Variants in CCDC91 observed in about 807,000 individuals in gnomAD.
The protein encoded by CCDC91 is coiled-coil domain containing 91.
In CCDC91, 48 loss-of-function variants were observed where a neutral mutation model predicts 63.2. The observed-to-expected ratio is 0.76, with a 90% CI of 0.60 to 0.97. The LOEUF (loss-of-function observed/expected upper bound fraction) is 0.97, where lower values mean the gene tolerates loss of function less well. CCDC91 is among the 50% of genes least tolerant of loss of function. The pLI, the probability that CCDC91 is intolerant of heterozygous loss-of-function variation, is 0.00. For missense variants in CCDC91, 500 were observed against 494.6 expected (o/e 1.01, Z -0.10); for synonymous variants, 167 against 165.8 (o/e 1.01, Z -0.06).
At chr12:28,322,922 C>T (rs1212404142) in intron 6 of CCDC91, among the ~76,000 whole-genome samples, 1 of 150,988 alleles carries the variant, frequency 6.6e-6, no homozygotes, top group African/African-American at 2.4e-5. Flanking sequence ...ATTTTTATTT[C>T]CTTATTAGTA....
rs558773290 is a variant in CCDC91 at position 28,519,018 on chromosome 12, G to A, written c.1216-30045G>A. Among the ~76,000 whole-genome samples, 223 of 151,848 alleles carry A rather than the reference G, an allele frequency of 1.5e-3. 1 individual carries two copies. The highest frequency in any genetic ancestry group is 5.0e-3 in the African/African-American group (209 of 41,462). The stretch of plus-strand genomic sequence containing the variant: ...TTTTGTTTTTGCTTAGTCTTGCTTT[G>A]GCTATACAGGCTCTTTTTTGGTTCC... On this transcript the variant is annotated intron_variant, in intron 12 of 12. Transcript: ENST00000536442.
chr12:28,376,793 A>T (rs1268549899), intron 7 of CCDC91, among the ~76,000 whole-genome samples: 2 of 151,806 alleles, frequency 1.3e-5, no homozygotes, highest in Non-Finnish European at 3.0e-5. Context: ...AGTCAATTCA[A>T]ATGTTAACTC....
At chr12:28,350,457 T>C (rs1268740725) in intron 6 of CCDC91, among the ~76,000 whole-genome samples, 1 of 152,212 alleles carries the variant, frequency 6.6e-6, no homozygotes, top group African/African-American at 2.4e-5. Flanking sequence ...AATATCTTAT[T>C]GTATTAATGT....
chr12:28,400,409 C>T (rs1049252032), intron 8 of CCDC91, among the ~76,000 whole-genome samples: 1 of 147,282 alleles, frequency 6.8e-6, no homozygotes, highest in Non-Finnish European at 1.5e-5. Context: ...GCCTCCAGGT[C>T]TGTGATGAGA....
At chr12:28,321,457 G>A (rs552812269) in intron 6 of CCDC91, among the ~76,000 whole-genome samples, 1 of 151,994 alleles carries the variant, frequency 6.6e-6, no homozygotes, top group South Asian at 2.1e-4. Context: ...GACTGCTATG[G>A]ATTGAATGGT....
At chr12:28,359,933 T>A (rs1408568532) in intron 6 of CCDC91, among the ~76,000 whole-genome samples, 6 of 152,224 alleles carry the variant, frequency 3.9e-5, no homozygotes, top group South Asian at 4.1e-4. Context: ...TCCAAAGTGA[T>A]GAGTTTTAGT....
intron 6 of CCDC91, among the ~76,000 whole-genome samples, chr12:28,333,600 T>G (rs1310468428): frequency 6.6e-6 from 1 of 152,156 alleles, no homozygotes; most frequent in African/African-American, 2.4e-5. Flanking sequence ...ATGTCTCATC[T>G]TTTGCTTTTC....
intron 3 of CCDC91, among the ~76,000 whole-genome samples, chr12:28,282,447 T>C (rs564678198): frequency 6.6e-6 from 1 of 152,244 alleles, no homozygotes; most frequent in African/African-American, 2.4e-5. Context: ...ATTTCATTCT[T>C]TTATATGGCT....
chr12:28,535,120 G>A (rs149021959), intron 12 of CCDC91, among the ~76,000 whole-genome samples: 1,974 of 152,248 alleles, frequency 0.013, 20 homozygotes, highest in Middle Eastern at 0.058. Context: ...TTTGCTGTTT[G>A]GCATGCATAC....
At chr12:28,443,715 T>C (rs1949353379) in intron 8 of CCDC91, among the ~76,000 whole-genome samples, 1 of 152,146 alleles carries the variant, frequency 6.6e-6, no homozygotes, top group African/African-American at 2.4e-5. Context: ...CATGTACTCT[T>C]GACAGTGTTT....
chr12:28,288,252 A>G (rs551626783), intron 3 of CCDC91, among the ~76,000 whole-genome samples: 63 of 152,168 alleles, frequency 4.1e-4, no homozygotes, highest in African/African-American at 1.5e-3. Flanking sequence ...AATAGGAGGG[A>G]TGAGAAAGGG....
intron 7 of CCDC91, among the ~76,000 whole-genome samples, chr12:28,369,763 C>T (rs1191897656): frequency 3.9e-5 from 6 of 152,224 alleles, no homozygotes; most frequent in Admixed American, 2.6e-4. Flanking sequence ...CAAATCTCAA[C>T]CCTTGCCTTC....
At chr12:28,411,837 A>C (rs1354684914) in intron 8 of CCDC91, among the ~76,000 whole-genome samples, 1 of 152,232 alleles carries the variant, frequency 6.6e-6, no homozygotes, top group Non-Finnish European at 1.5e-5. Context: ...TTCTGAAAAG[A>C]GTGACACCTC....
At position 28,420,681 on chromosome 12, in the gene CCDC91, T is replaced by G. The variant is rs551396391; in HGVS notation, c.762+29270T>G. 2.6e-5 allele frequency among the ~76,000 whole-genome samples: 4 copies of G among 152,038 alleles called. No individual in the cohort carries two copies. The East Asian group carries it at 5.8e-4, about 22-fold the overall frequency. On this transcript the variant is annotated intron_variant, in intron 8 of 12. Transcript: ENST00000536442. ...TGTATTTCCCACCTATTTGTTCCTT[T>G]TCCCATACTTGCAATTATAGATTAT...
intron 1 of CCDC91, among the ~76,000 whole-genome samples, chr12:28,204,335 T>G (rs1437540846): frequency 6.6e-6 from 1 of 152,216 alleles, no homozygotes; most frequent in African/African-American, 2.4e-5. Flanking sequence ...TTGCAGATGT[T>G]GTAAATGATT....
chr12:28,467,709 A>G (rs1343838534), intron 11 of CCDC91, among the ~76,000 whole-genome samples: 2 of 152,106 alleles, frequency 1.3e-5, no homozygotes, highest in Admixed American at 6.5e-5. Context: ...ATATTTAAAA[A>G]GTACAAAATA....
chr12:28,224,549 G>T (rs1396659946), intron 1 of CCDC91, among the ~76,000 whole-genome samples: 2 of 151,910 alleles, frequency 1.3e-5, no homozygotes, highest in African/African-American at 4.8e-5. Flanking sequence ...CCTCATTTAG[G>T]CTTAGTGGTT....
At chr12:28,204,758 G>A (rs11049455) in intron 1 of CCDC91, among the ~76,000 whole-genome samples, 39,561 of 151,968 alleles carry the variant, frequency 0.26, 5,384 homozygotes, top group Non-Finnish European at 0.31. Context: ...GCTCACCACA[G>A]AGTTGCTCAA....
At chr12:28,501,017 G>C (rs1185164858) in intron 12 of CCDC91, among the ~76,000 whole-genome samples, 1 of 151,610 alleles carries the variant, frequency 6.6e-6, no homozygotes, top group Non-Finnish European at 1.5e-5. Context: ...TCATTCAAGA[G>C]TTACCACCAT....
Sources: gnomAD v4.1 joint callset for allele counts (sites outside exome capture counted in the v4.1 genomes callset) on GRCh38, gnomAD v4.1.1 for gene constraint, MANE v1.5 for transcripts, NCBI Gene and HGNC (gene_info 2026-07-23, HGNC 2026-07-21) for gene names.